Variants in RAD51B observed in about 807,000 individuals in gnomAD.
RAD51B encodes the protein DNA repair protein RAD51 homolog 2.
Under a neutral mutation model 42.2 loss-of-function variants are expected in RAD51B, and 38 were observed. The observed-to-expected ratio is 0.90, with a 90% CI of 0.70 to 1.18. The LOEUF (loss-of-function observed/expected upper bound fraction) is 1.18, where lower values mean the gene tolerates loss of function less well. RAD51B is among the 50% of genes most tolerant of loss of function. RAD51B has a pLI of 0.00. For missense variants in RAD51B, 373 were observed against 400.7 expected, an observed-to-expected ratio of 0.93 and a Z score of 0.59; for synonymous variants, 154 against 145.2, an observed-to-expected ratio of 1.06 and a Z score of -0.43.
At chr14:68,094,878 C>G (rs1261159515) in intron 7 of RAD51B, among the ~76,000 whole-genome samples, 3 of 152,206 alleles carry the variant, frequency 2.0e-5, no homozygotes, top group Admixed American at 1.3e-4. Flanking sequence ...ATGACTACAT[C>G]TGGTCATGCC....
intron 5 of RAD51B, 118 bp downstream of exon 5, chr14:67,865,257 A>G (rs920206121): frequency 3.8e-4 from 338 of 878,438 alleles, no homozygotes; most frequent in Non-Finnish European, 4.8e-4. Flanking sequence ...TTTTTTTTTG[A>G]GATGGAGTCT....
At chr14:68,466,291 T>C (rs1027011273) in intron 9 of RAD51B, among the ~76,000 whole-genome samples, 2 of 152,240 alleles carry the variant, frequency 1.3e-5, no homozygotes, top group African/African-American at 2.4e-5. Flanking sequence ...TGTGAACTTA[T>C]TTTGTGTTTG....
intron 9 of RAD51B, among the ~76,000 whole-genome samples, chr14:68,441,638 T>A (rs2085294869): frequency 2.0e-5 from 3 of 150,996 alleles, no homozygotes; most frequent in East Asian, 1.9e-4. Flanking sequence ...CCTGGAAAAA[T>A]TTTTCCATTG....
Position 67,952,107 on chromosome 14 carries a change from T to A in RAD51B, c.756+64903T>A, listed in dbSNP as rs2074463360. 3.9e-5 allele frequency among the ~76,000 whole-genome samples: 6 copies of A among 152,272 alleles called. No individual in the cohort carries two copies. In the South Asian group the frequency reaches 1.2e-3, roughly 32 times the overall value. ...ATTCCAGAATTTCTTTAATTTTTCT[T>A]GCTTATGTTAGCAACAGTATTGTCA... On this transcript the variant is annotated intron_variant, in intron 7 of 10. Transcript: ENST00000471583.
chr14:68,040,521 T>C (rs187037426), intron 7 of RAD51B, among the ~76,000 whole-genome samples: 61 of 152,356 alleles, frequency 4.0e-4, no homozygotes, highest in African/African-American at 1.4e-3. Flanking sequence ...GAAAGACTTT[T>C]CTTTTTACCA....
intron 9 of RAD51B, among the ~76,000 whole-genome samples, chr14:68,457,093 AG>A (rs2085715141): frequency 6.6e-6 from 1 of 151,470 alleles, no homozygotes; most frequent in Admixed American, 6.6e-5. Context: ...TTGTATGTTT[AG>A]TAGAGACAGG....
At position 68,020,146 on chromosome 14, in the gene RAD51B, C is replaced by T. The variant is rs2075840647; in HGVS notation, c.756+132942C>T. ...TTTTTCTTTAACGGGGTCTCACTAT[C>T]TCACCTAGACTGGAGTACAATGGTG... On this transcript the variant is annotated intron_variant, in intron 7 of 10. Coordinates refer to ENST00000471583, the MANE Select transcript of RAD51B (RefSeq NM_133510.4). Among the ~76,000 whole-genome samples, 6 of 152,102 alleles carry T rather than the reference C, an allele frequency of 3.9e-5. No individual in the cohort carries two copies. The South Asian group carries it at 1.2e-3, about 31-fold the overall frequency.
At chr14:67,985,135 G>A (rs1284059102) in intron 7 of RAD51B, among the ~76,000 whole-genome samples, 1 of 152,216 alleles carries the variant, frequency 6.6e-6, no homozygotes, top group East Asian at 1.9e-4. Flanking sequence ...CAGAAGAGTT[G>A]CCAGTGTAGT....
At chr14:68,531,032 TAA>T in intron 10 of RAD51B, among the ~76,000 whole-genome samples, 1 of 152,044 alleles carries the variant, frequency 6.6e-6, no homozygotes. Context: ...CATATATAAT[TAA>T]ATGTGTATGG....
intron 3 of RAD51B, among the ~76,000 whole-genome samples, chr14:67,834,120 G>A (rs183712657): frequency 2.6e-4 from 39 of 152,278 alleles, no homozygotes; most frequent in Non-Finnish European, 5.0e-4. Context: ...GGGATTATCC[G>A]TTCCTTGCCT....
intron 9 of RAD51B, among the ~76,000 whole-genome samples, chr14:68,438,298 G>T (rs931049515): frequency 4.6e-5 from 7 of 152,148 alleles, no homozygotes; most frequent in African/African-American, 1.7e-4. Flanking sequence ...TGGTTAGGAG[G>T]CAGGATCCAC....
chr14:68,241,655 T>A (rs192505334), intron 7 of RAD51B, among the ~76,000 whole-genome samples: 36 of 152,334 alleles, frequency 2.4e-4, no homozygotes, highest in African/African-American at 8.4e-4. Context: ...TAAAATTTTT[T>A]AGTTCTCAGG....
intron 8 of RAD51B, among the ~76,000 whole-genome samples, chr14:68,302,490 A>AG (rs2139695408): frequency 2.3e-5 from 1 of 42,664 alleles, no homozygotes; most frequent in South Asian, 1.2e-3. Context: ...CCCGTCATGG[A>AG]ATCCAGGCAG....
rs551661633 is a variant in RAD51B at position 68,383,495 on chromosome 14, C to T, written c.854-27929C>T. ...ACACAGATGTACACACTGGAGGAAA[C>T]GTCACTGAAGTAGATGCTGGTCACT... is the stretch of plus-strand genomic sequence containing the variant. On this transcript the variant is annotated intron_variant, in intron 8 of 10. Coordinates refer to ENST00000471583, the MANE Select transcript of RAD51B (RefSeq NM_133510.4). 2.6e-5 allele frequency among the ~76,000 whole-genome samples: 4 copies of T among 152,304 alleles called. No homozygotes were observed. The South Asian group carries it at 6.2e-4, about 24-fold the overall frequency.
chr14:68,110,732 A>G (rs2077446902), intron 7 of RAD51B, among the ~76,000 whole-genome samples: 1 of 152,048 alleles, frequency 6.6e-6, no homozygotes, highest in African/African-American at 2.4e-5. Flanking sequence ...CATTTTGGAG[A>G]TAAGAGAACT....
intron 5 of RAD51B, among the ~76,000 whole-genome samples, chr14:67,879,596 C>T (rs1400490330): frequency 6.6e-6 from 1 of 152,104 alleles, no homozygotes; most frequent in African/African-American, 2.4e-5. Flanking sequence ...ATGTGAGCCA[C>T]TGCACCTGGA....
intron 5 of RAD51B, among the ~76,000 whole-genome samples, chr14:67,873,293 C>T (rs2042607630): frequency 6.6e-6 from 1 of 152,190 alleles, no homozygotes. Flanking sequence ...TGAACAGACA[C>T]TTCTCAAAAG....
chr14:68,525,218 A>G (rs1188429285), intron 10 of RAD51B, among the ~76,000 whole-genome samples: 1 of 152,234 alleles, frequency 6.6e-6, no homozygotes, highest in Non-Finnish European at 1.5e-5. Context: ...ACTGAGGGCC[A>G]CCTCTAGAAG....
intron 7 of RAD51B, among the ~76,000 whole-genome samples, chr14:68,206,071 A>G (rs1367935217): frequency 1.3e-5 from 2 of 152,216 alleles, no homozygotes; most frequent in African/African-American, 4.8e-5. Context: ...TTTAATCTGG[A>G]ACATGTCTAC....
Sources: allele counts gnomAD v4.1 joint callset (sites outside exome capture counted in the v4.1 genomes callset), GRCh38; gene constraint gnomAD v4.1.1; transcripts MANE v1.5; gene names NCBI Gene and HGNC (gene_info 2026-07-23, HGNC 2026-07-21).